AUTS2: variants seen among roughly 807,000 people sequenced by gnomAD.
The protein encoded by AUTS2 is activator of transcription and developmental regulator AUTS2.
A neutral mutation model predicts 112.4 loss-of-function variants in AUTS2; 17 were observed. The observed-to-expected ratio is 0.15, with a 90% CI of 0.10 to 0.23. The LOEUF is 0.23. AUTS2 is among the 10% of genes least tolerant of loss of function. AUTS2 has a pLI of 1.00. For synonymous variants in AUTS2, 751 were observed against 702.7 expected, an observed-to-expected ratio of 1.07 and a Z score of -1.09; for missense variants, 1,510 against 1,701.6, an observed-to-expected ratio of 0.89 and a Z score of 1.98.
At chr7:70,734,273 A>T (rs73445005) in intron 6 of AUTS2, among the ~76,000 whole-genome samples, 23,840 of 151,792 alleles carry the variant, frequency 0.16, 2,220 homozygotes, top group East Asian at 0.38. Context: ...CCCCGTCTCT[A>T]GTAAAAATAC....
rs890437548 is a variant in AUTS2, at chr7:70,750,963, G to A, written c.743-11907G>A. ...GGGTTTACCCTAGACCCACCCATTG[G>A]CCAACCTTAATGGGCACACTGACTT... is the stretch of plus-strand genomic sequence containing the variant. On this transcript the variant is annotated intron_variant, in intron 6 of 18. Coordinates refer to ENST00000342771, the MANE Select transcript of AUTS2 (RefSeq NM_015570.4). Among the ~76,000 whole-genome samples, 11 of 150,830 alleles carry A rather than the reference G, an allele frequency of 7.3e-5. No homozygotes were observed. The South Asian group carries it at 8.3e-4, about 11-fold the overall frequency.
chr7:70,499,330 G>A (rs1798683652), intron 5 of AUTS2, among the ~76,000 whole-genome samples: 1 of 152,210 alleles, frequency 6.6e-6, no homozygotes, highest in African/African-American at 2.4e-5. Context: ...AGCAAGATAA[G>A]TTAGTGGCTG....
chr7:70,185,184 T>C (rs993358235), intron 4 of AUTS2, among the ~76,000 whole-genome samples: 1 of 151,894 alleles, frequency 6.6e-6, no homozygotes, highest in African/African-American at 2.4e-5. Context: ...GCATCTCTCT[T>C]ATCCATTGGG....
chr7:70,192,704 C>G (rs1342451922), intron 4 of AUTS2, among the ~76,000 whole-genome samples: 1 of 152,086 alleles, frequency 6.6e-6, no homozygotes, highest in East Asian at 1.9e-4. Context: ...AGGGGTTAAT[C>G]CTTATTAGTC....
At chr7:69,885,440 A>C (rs925868228) in intron 1 of AUTS2, among the ~76,000 whole-genome samples, 1 of 152,216 alleles carries the variant, frequency 6.6e-6, no homozygotes. Flanking sequence ...GAGTTCGGCT[A>C]TTTGACTTAG....
chr7:70,118,028 G>C (rs1054318985), intron 2 of AUTS2, 104 bp from the exon 3 acceptor site: 1 of 1,348,580 alleles, frequency 7.4e-7, no homozygotes. Flanking sequence ...GATTACAGGC[G>C]TGAGCCACCG....
intron 5 of AUTS2, among the ~76,000 whole-genome samples, chr7:70,676,938 T>C (rs1027559538): frequency 1.3e-5 from 2 of 152,188 alleles, no homozygotes; most frequent in Non-Finnish European, 2.9e-5. Flanking sequence ...TCTTCAAAAA[T>C]CGTCTGTACA....
chr7:70,360,721 A>G (rs1383027454), intron 4 of AUTS2, among the ~76,000 whole-genome samples: 1 of 152,174 alleles, frequency 6.6e-6, no homozygotes, highest in Non-Finnish European at 1.5e-5. Context: ...GAGATAAAAC[A>G]GGGAACAGAG....
At chr7:70,204,488 G>T (rs139517483) in intron 4 of AUTS2, among the ~76,000 whole-genome samples, 2 of 152,014 alleles carry the variant, frequency 1.3e-5, no homozygotes, top group Non-Finnish European at 1.5e-5. Flanking sequence ...ATGTTTTGTC[G>T]GGGGGTGGGG....
chr7:69,764,090 A>T (rs566658276), intron 1 of AUTS2, among the ~76,000 whole-genome samples: 4 of 152,348 alleles, frequency 2.6e-5, no homozygotes, highest in African/African-American at 7.2e-5. Flanking sequence ...CCACTTGCCC[A>T]TGATCGTCTA....
intron 2 of AUTS2, among the ~76,000 whole-genome samples, chr7:70,074,753 A>G (rs983266821): frequency 6.6e-6 from 1 of 152,214 alleles, no homozygotes; most frequent in African/African-American, 2.4e-5. Flanking sequence ...TGTACAGCAC[A>G]CGGAAGTAAA....
At chr7:69,953,249 C>T (rs1584486789) in intron 2 of AUTS2, among the ~76,000 whole-genome samples, 1 of 152,154 alleles carries the variant, frequency 6.6e-6, no homozygotes, top group Admixed American at 6.6e-5. Context: ...ATGCCCCTTT[C>T]AAGCCAGTCT....
At position 70,646,561 on chromosome 7, in the gene AUTS2, C is replaced by T. The variant is rs368408966; in HGVS notation, c.691-52008C>T. Among the ~76,000 whole-genome samples, 19 of 152,314 alleles carry T rather than the reference C, an allele frequency of 1.2e-4. 1 individual carries two copies. Among genetic ancestry groups the T allele is most frequent in the South Asian group, 8.3e-4 (4 of 4,826 alleles). Reference sequence around the variant, plus strand: ...GTGTTTAGATGGGGATGAGCCAGCCCGCTGGAGGGGAGCCCACCGCCTCTG... The same window carrying T: ...GTGTTTAGATGGGGATGAGCCAGCCTGCTGGAGGGGAGCCCACCGCCTCTG... On this transcript the variant is annotated intron_variant, in intron 5 of 18. Transcript: ENST00000342771.
intron 2 of AUTS2, among the ~76,000 whole-genome samples, chr7:70,105,820 A>G (rs1804738780): frequency 6.6e-6 from 1 of 151,272 alleles, no homozygotes; most frequent in Admixed American, 6.6e-5. Flanking sequence ...AGTGGAGAGA[A>G]CAAATCTACC....
rs1313304391 is a variant in AUTS2 at position 70,701,696 on chromosome 7, G to A, written c.742+3076G>A. Reference sequence around the variant, plus strand: ...ATGCCTAATGAGGACTGAGCATTTCGAAAGGGGTGTGGCATTGAGCAGGGC... The same window carrying A: ...ATGCCTAATGAGGACTGAGCATTTCAAAAGGGGTGTGGCATTGAGCAGGGC... On this transcript the variant is annotated intron_variant, in intron 6 of 18. Transcript: ENST00000342771. Among the ~76,000 whole-genome samples the A allele has an allele frequency of 3.3e-5, 5 of 152,152 alleles. No homozygotes were observed. In the South Asian group the frequency reaches 6.2e-4, roughly 19 times the overall value.
At chr7:70,746,694 C>G (rs763769996) in intron 6 of AUTS2, among the ~76,000 whole-genome samples, 59 of 152,104 alleles carry the variant, frequency 3.9e-4, no homozygotes, top group Non-Finnish European at 6.9e-4. Flanking sequence ...TCTTGGCGCA[C>G]TGGACGGTGG....
chr7:70,132,319 T>G (rs1806320668), intron 3 of AUTS2, among the ~76,000 whole-genome samples: 1 of 152,042 alleles, frequency 6.6e-6, no homozygotes, highest in South Asian at 2.1e-4. Flanking sequence ...CCCTCGTGTG[T>G]CTGTGTTTGT....
chr7:69,659,583 G>GTTTTTTTTTTTT (rs58289887), intron 1 of AUTS2, among the ~76,000 whole-genome samples: 7 of 81,278 alleles, frequency 8.6e-5, no homozygotes, highest in Non-Finnish European at 1.1e-4. Context: ...AGGCTTAGTT[G>GTTTTTTTTTTTT]TTTTTTTTTT....
intron 2 of AUTS2, among the ~76,000 whole-genome samples, chr7:70,014,784 C>A (rs374650497): frequency 2.0e-5 from 3 of 152,162 alleles, no homozygotes; most frequent in African/African-American, 7.2e-5. Flanking sequence ...GGGGCTGGTA[C>A]AGGATGTTTG....
Sources: allele counts gnomAD v4.1 joint callset (sites outside exome capture counted in the v4.1 genomes callset), GRCh38; gene constraint gnomAD v4.1.1; transcripts MANE v1.5; gene names NCBI Gene and HGNC (gene_info 2026-07-23, HGNC 2026-07-21).